The following GRIP1 variants were observed in gnomAD, a reference collection of about 807,000 sequenced individuals.
GRIP1 encodes glutamate receptor interacting protein 1, also known as glutamate receptor-interacting protein 1.
A neutral mutation model predicts 129.9 loss-of-function variants in GRIP1; 45 were observed. The ratio of observed to expected loss-of-function variants is 0.35; its 90% CI spans 0.27 to 0.44. The LOEUF is 0.44. Among genes scored for constraint, GRIP1 ranks in the 20% least tolerant of loss-of-function variants. GRIP1 has a pLI of 1.00. For synonymous variants in GRIP1, 530 were observed against 520.8 expected (o/e 1.02, Z -0.24); for missense variants, 1,196 against 1,396.8 (o/e 0.86, Z 2.29).
intron 1 of GRIP1, among the ~76,000 whole-genome samples, chr12:66,831,937 G>A (rs1193770381): frequency 6.6e-6 from 1 of 152,104 alleles, no homozygotes; most frequent in Non-Finnish European, 1.5e-5. Flanking sequence ...GTACGTGTTT[G>A]TAACCATTTT....
chr12:66,786,804 G>A (rs1248303738), intron 1 of GRIP1, among the ~76,000 whole-genome samples: 1 of 152,188 alleles, frequency 6.6e-6, no homozygotes. Context: ...TGGGACTGCA[G>A]GGTGGAAAAC....
intron 7 of GRIP1, among the ~76,000 whole-genome samples, chr12:66,481,070 T>C (rs1201094114): frequency 6.6e-6 from 1 of 152,028 alleles, no homozygotes; most frequent in Non-Finnish European, 1.5e-5. Context: ...TGGGATGCAA[T>C]GGCAACAAAA....
intron 1 of GRIP1, among the ~76,000 whole-genome samples, chr12:66,860,754 C>T (rs933939958): frequency 1.3e-5 from 2 of 152,004 alleles, no homozygotes; most frequent in Admixed American, 6.6e-5. Context: ...TATTAAAATG[C>T]ATATTGCGAT....
intron 1 of GRIP1, among the ~76,000 whole-genome samples, chr12:66,777,628 A>G (rs1296409802): frequency 1.3e-5 from 2 of 152,192 alleles, no homozygotes; most frequent in African/African-American, 4.8e-5. Context: ...AAGTCCCAAG[A>G]AAAGTGTGTG....
chr12:66,864,227 A>AG (rs2040162122), intron 1 of GRIP1, among the ~76,000 whole-genome samples: 1 of 151,438 alleles, frequency 6.6e-6, no homozygotes, highest in Non-Finnish European at 1.5e-5. Flanking sequence ...TCATGTCCTC[A>AG]ATATACACCA....
chr12:66,955,504 GTTTTT>G (rs71088226), intron 1 of GRIP1, among the ~76,000 whole-genome samples: 7 of 114,534 alleles, frequency 6.1e-5, no homozygotes, highest in East Asian at 2.5e-4. Flanking sequence ...TACTTTTTTG[GTTTTT>G]TTTTTTTTTT....
intron 1 of GRIP1, among the ~76,000 whole-genome samples, chr12:66,986,429 A>C (rs1318455136): frequency 1.3e-5 from 2 of 150,880 alleles, no homozygotes. Flanking sequence ...GAACCAACCC[A>C]AATGTCCAAC....
exon 1 of GRIP1, chr12:66,804,146 A>G: frequency 2.2e-6 from 1 of 455,802 alleles, no homozygotes; most frequent in Non-Finnish European, 4.4e-6. Context: ...CTTCTCCTAG[A>G]TCTTCTTATC....
At chr12:66,888,623 A>C (rs1247913910) in intron 1 of GRIP1, among the ~76,000 whole-genome samples, 2 of 152,196 alleles carry the variant, frequency 1.3e-5, no homozygotes, top group Non-Finnish European at 2.9e-5. Context: ...TCGGCCTCCA[A>C]AAGTGCTGGA....
At chr12:66,356,373 A>G (rs1362141985) in intron 23 of GRIP1, among the ~76,000 whole-genome samples, 1 of 152,094 alleles carries the variant, frequency 6.6e-6, no homozygotes, top group East Asian at 1.9e-4. Context: ...CAAAGCTTAG[A>G]TCTTGCCATA....
At chr12:67,066,592 T>A (rs1000964216) in intron 1 of GRIP1, among the ~76,000 whole-genome samples, 2 of 152,218 alleles carry the variant, frequency 1.3e-5, no homozygotes, top group African/African-American at 4.8e-5. Flanking sequence ...TTTTGGTTAA[T>A]GTTAATCCAA....
At chr12:67,041,630 G>A (rs2043181783) in intron 1 of GRIP1, among the ~76,000 whole-genome samples, 1 of 152,100 alleles carries the variant, frequency 6.6e-6, no homozygotes, top group South Asian at 2.1e-4. Context: ...ATGCTTCAAA[G>A]TAGTTCATCT....
At chr12:66,679,383 C>T (rs545906528), upstream of GRIP1, among the ~76,000 whole-genome samples, 1 of 143,596 alleles carries the variant, frequency 7.0e-6, no homozygotes, top group East Asian at 2.1e-4. Flanking sequence ...AAGTGAAATG[C>T]TTACACTCTT....
chr12:66,853,687 T>A (rs1264353769), intron 1 of GRIP1, among the ~76,000 whole-genome samples: 1 of 152,030 alleles, frequency 6.6e-6, no homozygotes, highest in African/African-American at 2.4e-5. Flanking sequence ...CAAAGTTAAA[T>A]CCCAAATCAA....
intron 1 of GRIP1, among the ~76,000 whole-genome samples, chr12:66,981,152 G>A (rs548739549): frequency 2.0e-5 from 3 of 152,298 alleles, no homozygotes; most frequent in Admixed American, 6.5e-5. Flanking sequence ...AGAGCTTAAT[G>A]TGCATAATCT....
chr12:66,456,142 T>C (rs1284995513), intron 10 of GRIP1, 45 bp downstream of exon 10: 1 of 1,185,096 alleles, frequency 8.4e-7, no homozygotes, highest in South Asian at 1.3e-5. Context: ...GTGAGAAAAA[T>C]ATAATTGAAA....
intron 5 of GRIP1, among the ~76,000 whole-genome samples, chr12:66,523,599 G>A (rs2061105285): frequency 6.6e-6 from 1 of 151,854 alleles, no homozygotes; most frequent in African/African-American, 2.4e-5. Context: ...AGACCATCGA[G>A]ACTAGGAAGA....
At chr12:66,708,439 T>C (rs946296847) in intron 1 of GRIP1, among the ~76,000 whole-genome samples, 7 of 151,950 alleles carry the variant, frequency 4.6e-5, no homozygotes, top group African/African-American at 1.7e-4. Context: ...CATACTAGAA[T>C]TATATTTTGT....
intron 4 of GRIP1, among the ~76,000 whole-genome samples, chr12:66,535,554 A>G (rs920568037): frequency 6.6e-6 from 1 of 152,222 alleles, no homozygotes; most frequent in Non-Finnish European, 1.5e-5. Context: ...GAGAATTTAA[A>G]TAACATGCCC....
Sources: gnomAD v4.1 joint callset for allele counts (sites outside exome capture counted in the v4.1 genomes callset) on GRCh38, gnomAD v4.1.1 for gene constraint, MANE v1.5 for transcripts, NCBI Gene and HGNC (gene_info 2026-07-23, HGNC 2026-07-21) for gene names.